Variants in ORC2 observed in about 807,000 individuals in gnomAD.
The protein encoded by ORC2 is origin recognition complex subunit 2.
A neutral mutation model predicts 77.7 loss-of-function variants in ORC2; 37 were observed. The observed-to-expected ratio is 0.48, with a 90% CI of 0.37 to 0.63. The LOEUF (loss-of-function observed/expected upper bound fraction) is 0.63, where lower values mean the gene tolerates loss of function less well. Ranked by LOEUF, ORC2 falls within the 20% of genes least tolerant of loss-of-function variation. The pLI, the probability that ORC2 is intolerant of heterozygous loss-of-function variation, is 0.00. For missense variants in ORC2, 557 were observed against 661.9 expected, an observed-to-expected ratio of 0.84 and a Z score of 1.74; for synonymous variants, 201 against 229.5, an observed-to-expected ratio of 0.88 and a Z score of 1.12.
chr2:200,926,758 T>C lies in ORC2; in HGVS notation c.1050+10A>G. 4 of 1,613,354 alleles carry C rather than the reference T, an allele frequency of 2.5e-6. No individual in the cohort carries two copies. The highest frequency in any genetic ancestry group is 2.5e-6 in the Non-Finnish European group (3 of 1,179,554). On this transcript the variant is annotated intron_variant, in intron 12 of 17. Transcript: ENST00000234296. The stretch of plus-strand genomic sequence containing the variant: ...ATAATGTTTTTCCCTTTAACATTTT[T>C]GAAACTTACTGATTTCACACTGATT...
chr2:200,911,218 G>C lies in ORC2; in HGVS notation c.*83C>G, dbSNP rs947111875. Reference sequence around the variant, plus strand: ...ATGCTGGAAAAATAATTTAATGTCAGATGTAAACACAACACTTTCAACTAG... The same window carrying C: ...ATGCTGGAAAAATAATTTAATGTCACATGTAAACACAACACTTTCAACTAG... On this transcript the variant is annotated 3_prime_UTR_variant, in exon 18 of 18. Transcript: ENST00000234296. 2.5e-6 allele frequency: 2 copies of C among 807,740 alleles called. No homozygotes were observed. Among genetic ancestry groups the C allele is most frequent in the Non-Finnish European group, 4.3e-6 (2 of 470,152 alleles). The allele number at this position is 807,740 out of a possible 1,614,324, so 50.0% of individuals were successfully genotyped here.
Position 200,913,959 on chromosome 2 carries a change from C to A in ORC2, c.1500G>T (p.Leu500=). 1.1e-5 allele frequency: 18 copies of A among 1,580,676 alleles called. No homozygotes were observed. The highest frequency in any genetic ancestry group is 1.5e-5 in the Non-Finnish European group (18 of 1,166,776). ...GIFRLLIKYQ[L]DNQDNPSYIG... ...TGTAAGAAGGGTTATCCTGGTTGTC[C>A]AGCTGGTATTTTATTAGTAGCCTGA... The change falls in exon 16 of 18, where the codon CTG becomes CTT. Residue 500 remains leucine (L), a synonymous_variant. Transcript: ENST00000234296.
At chr2:200,941,196 T>G in intron 7 of ORC2, 52 bp downstream of exon 7, 1 of 1,461,272 alleles carries the variant, frequency 6.8e-7, no homozygotes, top group Non-Finnish European at 9.5e-7. Flanking sequence ...CAATTTTTCA[T>G]CATGTCTTAC....
At chr2:200,948,500 T>C (rs564761545) in intron 5 of ORC2, among the ~76,000 whole-genome samples, 7 of 152,350 alleles carry the variant, frequency 4.6e-5, no homozygotes, top group African/African-American at 1.7e-4. Flanking sequence ...AATAACTTTA[T>C]ATAAGCATTT....
intron 3 of ORC2, 37 bp from the exon 4 acceptor site, chr2:200,957,581 A>T: frequency 6.9e-7 from 1 of 1,449,758 alleles, no homozygotes; most frequent in Non-Finnish European, 9.2e-7. Flanking sequence ...CATGACAGGT[A>T]TAAATTCTTT....
chr2:200,957,652 G>GA (rs1287117101), intron 3 of ORC2, 108 bp from the exon 4 acceptor site: 9 of 828,560 alleles, frequency 1.1e-5, no homozygotes, highest in Non-Finnish European at 1.5e-5. Context: ...TAAAAGCTGG[G>GA]AAAAAAGCTT....
chr2:200,937,380 T>C (rs2041066578), intron 8 of ORC2, among the ~76,000 whole-genome samples: 1 of 152,172 alleles, frequency 6.6e-6, no homozygotes, highest in South Asian at 2.1e-4. Context: ...AATCCATACC[T>C]TGAAAAGAAA....
chr2:200,912,606 T>C (rs976630675), intron 17 of ORC2, among the ~76,000 whole-genome samples: 5 of 151,850 alleles, frequency 3.3e-5, no homozygotes, highest in Non-Finnish European at 7.4e-5. Flanking sequence ...TTTTCTTTCA[T>C]AGACAGGGTC....
chr2:200,933,226 ATTTTTT>A (rs1196387811), intron 10 of ORC2, among the ~76,000 whole-genome samples: 1 of 132,120 alleles, frequency 7.6e-6, no homozygotes, highest in Non-Finnish European at 1.6e-5. Flanking sequence ...ACTGTATGGT[ATTTTTT>A]TTTTTTTTTT....
At chr2:200,920,684 G>A (rs1216348737) in intron 14 of ORC2, among the ~76,000 whole-genome samples, 1 of 152,118 alleles carries the variant, frequency 6.6e-6, no homozygotes, top group Non-Finnish European at 1.5e-5. Flanking sequence ...TTATCAGAAA[G>A]TCTATAAATT....
At chr2:200,916,982 C>G (rs2040665925) in intron 15 of ORC2, among the ~76,000 whole-genome samples, 1 of 139,394 alleles carries the variant, frequency 7.2e-6, no homozygotes, top group Non-Finnish European at 1.5e-5. Context: ...GTGTGAGCCA[C>G]TGTGCCCCAC....
intron 5 of ORC2, chr2:200,943,024 G>A: frequency 3.7e-6 from 1 of 273,618 alleles, no homozygotes; most frequent in Non-Finnish European, 6.9e-6. Flanking sequence ...CTTTGACCTT[G>A]CTGCTTTCTC....
chr2:200,963,539 G>A lies in ORC2; in HGVS notation c.-109C>T. The A allele has an allele frequency of 2.5e-6, 1 of 398,624 alleles. No homozygotes were observed. The highest frequency in any genetic ancestry group is 4.4e-6 in the Non-Finnish European group (1 of 226,032). 24.7% of individuals were successfully genotyped at this position (398,624 alleles called of 1,614,324 possible). ...TCCGGCTGCGTCACGCCGGCCGAAC[G>A]ACACCCCGCTGAGTCGCCGCCGCAG... is the stretch of plus-strand genomic sequence containing the variant. On this transcript the variant is annotated 5_prime_UTR_variant, in exon 1 of 18. Coordinates refer to ENST00000234296, the MANE Select transcript of ORC2 (RefSeq NM_006190.5).
chr2:200,917,185 C>T (rs1023679560), intron 15 of ORC2, among the ~76,000 whole-genome samples: 14 of 151,400 alleles, frequency 9.2e-5, no homozygotes, highest in Non-Finnish European at 1.6e-4. Flanking sequence ...AGTAGAGATG[C>T]GGTTTCACCA....
At chr2:200,963,422 G>C (rs2041620417) in intron 1 of ORC2, 68 bp downstream of exon 1, 1 of 398,530 alleles carries the variant, frequency 2.5e-6, no homozygotes, top group South Asian at 1.3e-4. Flanking sequence ...GGTGCACCTG[G>C]ACGCACCTCA....
chr2:200,957,240 TA>T (rs555744408), intron 4 of ORC2, among the ~76,000 whole-genome samples, 160 bp downstream of exon 4: 1 of 151,944 alleles, frequency 6.6e-6, no homozygotes, highest in Non-Finnish European at 1.5e-5. Flanking sequence ...GACTGGTTGT[TA>T]AAAAAAAGAA....
At chr2:200,937,840 TA>T in intron 8 of ORC2, 65 bp downstream of exon 8, 1 of 1,055,492 alleles carries the variant, frequency 9.5e-7, no homozygotes, top group Non-Finnish European at 1.5e-6. Flanking sequence ...CCTATATACT[TA>T]ACTATTATTG....
intron 7 of ORC2, among the ~76,000 whole-genome samples, chr2:200,939,040 G>A (rs62189340): frequency 8.8e-5 from 13 of 148,246 alleles, no homozygotes; most frequent in Admixed American, 3.4e-4. Flanking sequence ...CTCTTCCTCA[G>A]GGGGAAAAAA....
At chr2:200,919,651 G>A (rs150302118) in intron 15 of ORC2, among the ~76,000 whole-genome samples, 55 of 152,324 alleles carry the variant, frequency 3.6e-4, no homozygotes, top group East Asian at 1.2e-3. Context: ...AGGCCACTGC[G>A]TCCGGCTAAT....
Sources: allele counts gnomAD v4.1 joint callset (sites outside exome capture counted in the v4.1 genomes callset), GRCh38; gene constraint gnomAD v4.1.1; transcripts MANE v1.5; gene names NCBI Gene and HGNC (gene_info 2026-07-23, HGNC 2026-07-21).